The following MB21D2 variants were observed in gnomAD, a reference collection of about 807,000 sequenced individuals.
The protein encoded by MB21D2 is nucleotidyltransferase MB21D2.
A neutral mutation model predicts 33.3 loss-of-function variants in MB21D2; 9 were observed. The ratio of observed to expected loss-of-function variants is 0.27; its 90% confidence interval spans 0.16 to 0.47. MB21D2 has a LOEUF of 0.47. MB21D2 is among the 20% of genes least tolerant of loss of function. MB21D2 has a pLI of 0.99. For missense variants in MB21D2, 540 were observed against 624.6 expected (o/e 0.86, Z 1.44); for synonymous variants, 241 against 236.3 (o/e 1.02, Z -0.18).
intron 1 of MB21D2, among the ~76,000 whole-genome samples, chr3:192,893,029 G>A (rs1477122558): frequency 2.0e-5 from 3 of 152,260 alleles, no homozygotes; most frequent in East Asian, 3.9e-4. Context: ...GGCTTCCACA[G>A]TCAATGTAAA....
At chr3:192,899,091 TATA>T (rs1181084154) in intron 1 of MB21D2, among the ~76,000 whole-genome samples, 2 of 152,214 alleles carry the variant, frequency 1.3e-5, no homozygotes, top group African/African-American at 4.8e-5. Flanking sequence ...TACCTTAACA[TATA>T]ATGCAAGGCC....
chr3:192,882,100 C>G (rs1713608791), intron 1 of MB21D2, among the ~76,000 whole-genome samples: 1 of 152,110 alleles, frequency 6.6e-6, no homozygotes, highest in African/African-American at 2.4e-5. Flanking sequence ...TAATGCCTAA[C>G]CTAAGACTTG....
chr3:192,859,564 C>T (rs1338860865), intron 1 of MB21D2, among the ~76,000 whole-genome samples: 1 of 152,168 alleles, frequency 6.6e-6, no homozygotes, highest in East Asian at 1.9e-4. Flanking sequence ...TTCTCTCTCC[C>T]CTGAGTAAAC....
At chr3:192,801,079 C>T (rs115966864) in intron 1 of MB21D2, among the ~76,000 whole-genome samples, 104 of 152,138 alleles carry the variant, frequency 6.8e-4, no homozygotes, top group African/African-American at 2.4e-3. Context: ...TAGAAGACTC[C>T]GTGCATGCAG....
intron 1 of MB21D2, among the ~76,000 whole-genome samples, chr3:192,881,184 T>C (rs1713558221): frequency 1.3e-5 from 2 of 152,108 alleles, no homozygotes; most frequent in Admixed American, 6.5e-5. Context: ...AACAAAGATA[T>C]AAACTTAAAA....
At chr3:192,810,014 T>C (rs1711751983) in intron 1 of MB21D2, among the ~76,000 whole-genome samples, 1 of 152,182 alleles carries the variant, frequency 6.6e-6, no homozygotes, top group African/African-American at 2.4e-5. Context: ...ATCCCCTAAG[T>C]TTATACTACT....
At chr3:192,842,292 A>C (rs1712591419) in intron 1 of MB21D2, among the ~76,000 whole-genome samples, 1 of 152,252 alleles carries the variant, frequency 6.6e-6, no homozygotes, top group Admixed American at 6.5e-5. Context: ...TGCCCGTCAG[A>C]GCCAGAGGTT....
At chr3:192,893,478 T>C (rs1713898512) in intron 1 of MB21D2, among the ~76,000 whole-genome samples, 1 of 152,058 alleles carries the variant, frequency 6.6e-6, no homozygotes, top group Non-Finnish European at 1.5e-5. Flanking sequence ...TTGGGGAAAG[T>C]GAGGGCCAGA....
At chr3:192,829,208 A>G (rs930155269) in intron 1 of MB21D2, among the ~76,000 whole-genome samples, 1 of 152,220 alleles carries the variant, frequency 6.6e-6, no homozygotes, top group African/African-American at 2.4e-5. Flanking sequence ...TGATGCTTTT[A>G]AAGTTCACCC....
intron 1 of MB21D2, among the ~76,000 whole-genome samples, chr3:192,824,568 G>A (rs966837443): frequency 3.3e-5 from 5 of 152,004 alleles, no homozygotes; most frequent in African/African-American, 2.4e-5. Context: ...GAAATGATTA[G>A]TATCAAAAAC....
At chr3:192,814,642 C>T (rs1482651796) in intron 1 of MB21D2, among the ~76,000 whole-genome samples, 1 of 152,022 alleles carries the variant, frequency 6.6e-6, no homozygotes, top group Non-Finnish European at 1.5e-5. Flanking sequence ...GTGGGCAGAT[C>T]ACGAGGTCAG....
chr3:192,890,233 TATGCAAACAGAA>T (rs1269035305), intron 1 of MB21D2, among the ~76,000 whole-genome samples: 5 of 152,100 alleles, frequency 3.3e-5, no homozygotes, highest in African/African-American at 1.2e-4. Context: ...CTAATGGTAA[TATGCAAACAGAA>T]ATTCTCATCA....
At chr3:192,900,274 G>A (rs1714065237) in intron 1 of MB21D2, among the ~76,000 whole-genome samples, 2 of 114,838 alleles carry the variant, frequency 1.7e-5, no homozygotes, top group African/African-American at 7.4e-5. Context: ...GACAGAGCAA[G>A]ACTCTGTCTC....
rs180878692 is a variant in MB21D2, at chr3:192,841,294, A to T, written c.212-41644T>A. ...GCAGCCAGCCTGCCAGGTGGCCCCT[A>T]ACAACCCCACCTTCGGGTATTCACA... On this transcript the variant is annotated intron_variant, in intron 1 of 1. Coordinates refer to ENST00000392452, the MANE Select transcript of MB21D2 (RefSeq NM_178496.4). Among the ~76,000 whole-genome samples the T allele has an allele frequency of 8.5e-4, 129 of 152,354 alleles. 1 individual carries two copies. Among genetic ancestry groups the T allele is most frequent in the African/African-American group, 3.0e-3 (124 of 41,588 alleles).
intron 1 of MB21D2, among the ~76,000 whole-genome samples, chr3:192,866,559 C>G (rs1713172438): frequency 6.6e-6 from 1 of 152,132 alleles, no homozygotes; most frequent in Non-Finnish European, 1.5e-5. Flanking sequence ...TCTCAGCATG[C>G]ATACGTGCAC....
At chr3:192,861,469 T>C (rs1713039971) in intron 1 of MB21D2, among the ~76,000 whole-genome samples, 1 of 152,224 alleles carries the variant, frequency 6.6e-6, no homozygotes, top group Non-Finnish European at 1.5e-5. Context: ...CCTGTTCTGA[T>C]AAGGTGTTTG....
intron 1 of MB21D2, among the ~76,000 whole-genome samples, chr3:192,877,468 C>G (rs915620017): frequency 6.6e-6 from 1 of 152,134 alleles, no homozygotes; most frequent in Non-Finnish European, 1.5e-5. Flanking sequence ...TTAACAATAT[C>G]TGAATTTTTG....
At chr3:192,815,449 A>G (rs970361212) in intron 1 of MB21D2, among the ~76,000 whole-genome samples, 1 of 152,226 alleles carries the variant, frequency 6.6e-6, no homozygotes, top group African/African-American at 2.4e-5. Flanking sequence ...ATCTCCAAGG[A>G]GACATGTGTT....
chr3:192,898,844 G>A (rs76683840), intron 1 of MB21D2, among the ~76,000 whole-genome samples: 116 of 152,358 alleles, frequency 7.6e-4, no homozygotes, highest in African/African-American at 2.8e-3. Context: ...TCCCCAAGAA[G>A]TGGAGATTTG....
Sources: allele counts gnomAD v4.1 joint callset (sites outside exome capture counted in the v4.1 genomes callset), GRCh38; gene constraint gnomAD v4.1.1; transcripts MANE v1.5; gene names NCBI Gene and HGNC (gene_info 2026-07-23, HGNC 2026-07-21).